Variants in PCYT1B observed in about 807,000 individuals in gnomAD.
The protein encoded by PCYT1B is choline-phosphate cytidylyltransferase B.
In PCYT1B, 10 loss-of-function variants were observed where a neutral mutation model predicts 26.4. The observed-to-expected ratio is 0.38, with a 90% confidence interval of 0.23 to 0.64. The LOEUF is 0.64. Ranked by LOEUF, PCYT1B falls within the 30% of genes least tolerant of loss-of-function variation. The pLI is 0.56. For missense variants in PCYT1B, 161 were observed against 292.7 expected (o/e 0.55, Z 3.28); for synonymous variants, 131 against 108.4 (o/e 1.21, Z -1.29).
At chrX:24,567,152 G>A (rs979958814) in intron 7 of PCYT1B, among the ~76,000 whole-genome samples, 1 of 112,373 alleles carries the variant, frequency 8.9e-6, no homozygotes, top group Non-Finnish European at 1.9e-5. Flanking sequence ...CCCTCCTGCT[G>A]TTAATGGATT....
At chrX:24,602,107 C>T (rs777857964) in intron 3 of PCYT1B, among the ~76,000 whole-genome samples, 3 of 112,288 alleles carry the variant, frequency 2.7e-5, no homozygotes, top group East Asian at 2.8e-4. Flanking sequence ...AGATGTCCTT[C>T]GGCAGATGAA....
chrX:24,584,813 G>A (rs942254087), intron 5 of PCYT1B, among the ~76,000 whole-genome samples: 10 of 112,077 alleles, frequency 8.9e-5, no homozygotes, highest in African/African-American at 3.2e-4. Context: ...TGAGAGTACA[G>A]GAGGCCGTGT....
chrX:24,634,755 AAAC>A (rs201350770), intron 1 of PCYT1B, among the ~76,000 whole-genome samples: 4 of 107,758 alleles, frequency 3.7e-5, no homozygotes, highest in African/African-American at 1.0e-4. Flanking sequence ...AAAAACAAAC[AAAC>A]AACAACAACA....
chrX:24,637,489 A>ATATATATATATATAT (rs1399115470), intron 1 of PCYT1B, among the ~76,000 whole-genome samples: 2 of 55,773 alleles, frequency 3.6e-5, no homozygotes, highest in Non-Finnish European at 5.4e-5. Context: ...TAAAAAAAAA[A>ATATATATATATATAT]AAATATATAT....
chrX:24,588,154 A>ATGTG (rs370978600), intron 4 of PCYT1B, among the ~76,000 whole-genome samples: 1 of 108,393 alleles, frequency 9.2e-6, no homozygotes, highest in African/African-American at 3.3e-5. Flanking sequence ...TTCTGCTGGG[A>ATGTG]TGTGTGTGTG....
chrX:24,579,746 C>T (rs1051628045), intron 5 of PCYT1B, among the ~76,000 whole-genome samples: 1 of 111,561 alleles, frequency 9.0e-6, no homozygotes. Context: ...CTGGATACCC[C>T]CTCCCTGCTC....
chrX:24,629,774 A>G (rs1277186942), intron 1 of PCYT1B, among the ~76,000 whole-genome samples: 3 of 109,743 alleles, frequency 2.7e-5, no homozygotes, highest in Non-Finnish European at 5.7e-5. Flanking sequence ...CTGACCACTT[A>G]TAAACCAAAC....
At chrX:24,657,371 G>C (rs1294393873) in intron 1 of PCYT1B, among the ~76,000 whole-genome samples, 1 of 112,017 alleles carries the variant, frequency 8.9e-6, no homozygotes, top group African/African-American at 3.2e-5. Context: ...GCATAATTTG[G>C]ATTCACAACT....
At chrX:24,617,605 G>A (rs970207170) in intron 2 of PCYT1B, among the ~76,000 whole-genome samples, 2 of 107,945 alleles carry the variant, frequency 1.9e-5, no homozygotes, top group African/African-American at 3.4e-5. Flanking sequence ...CTGCCACCAC[G>A]CCTGGCTAAT....
chrX:24,622,085 CTATCTT>C (rs772424664), intron 1 of PCYT1B, among the ~76,000 whole-genome samples: 3 of 112,420 alleles, frequency 2.7e-5, no homozygotes, highest in Admixed American at 9.5e-5. Context: ...GCACAGGTGA[CTATCTT>C]TAACAGCAGT....
At chrX:24,669,501 G>GAAAA (rs60562762) in intron 1 of PCYT1B, among the ~76,000 whole-genome samples, 3 of 31,550 alleles carry the variant, frequency 9.5e-5, no homozygotes, top group Non-Finnish European at 1.5e-4. Flanking sequence ...CTTCGTCTCA[G>GAAAA]AAAAAAAAAA....
At chrX:24,615,129 A>C in intron 2 of PCYT1B, among the ~76,000 whole-genome samples, 1 of 111,794 alleles carries the variant, frequency 8.9e-6, no homozygotes, top group East Asian at 2.8e-4. Flanking sequence ...CTGATATTTG[A>C]AGTTCTAAAT....
chrX:24,591,929 T>C (rs1035130966), intron 3 of PCYT1B, among the ~76,000 whole-genome samples: 11 of 111,455 alleles, frequency 9.9e-5, no homozygotes, highest in African/African-American at 2.9e-4. Context: ...TTCTGTCTTA[T>C]AGCTATTTTG....
At chrX:24,638,873 A>T (rs1470784716) in intron 1 of PCYT1B, among the ~76,000 whole-genome samples, 1 of 112,462 alleles carries the variant, frequency 8.9e-6, no homozygotes, top group Non-Finnish European at 1.9e-5. Flanking sequence ...TTAGGAGGCT[A>T]CTGTTCACAT....
intron 1 of PCYT1B, among the ~76,000 whole-genome samples, chrX:24,623,422 T>C (rs1175249670): frequency 2.0e-5 from 2 of 101,799 alleles, no homozygotes; most frequent in African/African-American, 3.6e-5. Flanking sequence ...AGGGTACATG[T>C]GCACAACGTG....
intron 3 of PCYT1B, among the ~76,000 whole-genome samples, chrX:24,593,313 AG>A (rs1924630510): frequency 9.2e-6 from 1 of 109,242 alleles, no homozygotes. Context: ...ATTTATCTAC[AG>A]GTTCCTTCTT....
chrX:24,652,629 C>T (rs1294261937), intron 1 of PCYT1B, among the ~76,000 whole-genome samples: 1 of 110,678 alleles, frequency 9.0e-6, no homozygotes, highest in Non-Finnish European at 1.9e-5. Flanking sequence ...TCATAGCCTA[C>T]CTATAGCCCT....
In PCYT1B at chrX:24,571,714, C is replaced by T. The variant is rs1219813622; in HGVS notation, c.897+3416G>A. The stretch of plus-strand genomic sequence containing the variant: ...AGAGGGTCTCTTGAGCCCAGGAGTT[C>T]GAGGTTACAGTGAGTCATGATCACA... On this transcript the variant is annotated intron_variant, in intron 7 of 7. Transcript: ENST00000379144. Among the ~76,000 whole-genome samples, 7 of 111,324 alleles carry T rather than the reference C, an allele frequency of 6.3e-5. No homozygotes were observed. In the East Asian group the frequency reaches 2.0e-3, roughly 32 times the overall value.
rs1469612125 is a variant in PCYT1B, at chrX:24,562,518, T to C, written c.898-13A>G. Reference sequence around the variant, plus strand: ...GGAACATCTGCTTCTAAAGATAAATTGGAGAGAAGGCATCTGTTAACTTTG... The same window carrying C: ...GGAACATCTGCTTCTAAAGATAAATCGGAGAGAAGGCATCTGTTAACTTTG... On this transcript the variant is annotated splice_polypyrimidine_tract_variant and intron_variant, in intron 7 of 7. Transcript: ENST00000379144. 1 of 1,181,016 alleles carries C rather than the reference T, an allele frequency of 8.5e-7. No homozygotes were observed. The highest frequency in any genetic ancestry group is 1.1e-6 in the Non-Finnish European group (1 of 877,002).
Sources: gnomAD v4.1 joint callset for allele counts (sites outside exome capture counted in the v4.1 genomes callset) on GRCh38, gnomAD v4.1.1 for gene constraint, MANE v1.5 for transcripts, NCBI Gene and HGNC (gene_info 2026-07-23, HGNC 2026-07-21) for gene names.